The following TRHDE variants were observed in gnomAD, a reference collection of about 807,000 sequenced individuals.
TRHDE encodes thyrotropin releasing hormone degrading enzyme, also known as thyrotropin-releasing hormone-degrading ectoenzyme.
TRHDE carries 72 observed loss-of-function variants against 125.7 expected under a neutral mutation model. That is an observed-to-expected ratio of 0.57 (90% CI 0.47 to 0.70). The LOEUF is 0.70. Ranked by LOEUF, TRHDE falls within the 30% of genes least tolerant of loss-of-function variation. The pLI is 0.00. For synonymous variants in TRHDE, 509 were observed against 509.1 expected (o/e 1.00, Z 0.00); for missense variants, 1,110 against 1,327.1 (o/e 0.84, Z 2.54).
intron 2 of TRHDE, among the ~76,000 whole-genome samples, chr12:72,121,200 G>A (rs921011244): frequency 1.3e-5 from 2 of 152,050 alleles, no homozygotes; most frequent in Non-Finnish European, 2.9e-5. Context: ...TCTCGTTAAT[G>A]TCCTTTTCTT....
chr12:72,272,932 C>A lies in TRHDE; in HGVS notation c.289C>A (p.Leu97Ile), dbSNP rs144277781. Residue 97 changes from leucine (L) to isoleucine (I), a missense_variant, in exon 1 of 19, where the codon CTC (leucine) becomes ATC (isoleucine). Physicochemically the swap from Leu to Ile is conservative, Grantham distance 5. Transcript: ENST00000261180. The surrounding 1 kb of genome is among the most constrained non-coding windows in gnomAD (Gnocchi z 6.7). ...LAFAVSLVAL[L>I]AVTMLAVLLS... ...CTTCGCTGTGTCCCTCGTGGCATTG[C>A]TCGCGGTCACAATGCTCGCTGTGCT... The A allele has an allele frequency of 2.5e-6, 4 of 1,577,830 alleles. No homozygotes were observed. The highest frequency in any genetic ancestry group is 2.3e-5 in the East Asian group (1 of 43,816).
At chr12:72,265,069 C>T (rs574330465) in intron 2 of TRHDE, among the ~76,000 whole-genome samples, 1 of 151,168 alleles carries the variant, frequency 6.6e-6, no homozygotes, top group South Asian at 2.1e-4. Context: ...ATTGTAAACT[C>T]TGTTTCTCTT....
At chr12:72,635,013 A>T (rs1277915104) in intron 15 of TRHDE, among the ~76,000 whole-genome samples, 13 of 152,026 alleles carry the variant, frequency 8.6e-5, no homozygotes, top group Non-Finnish European at 1.5e-5. Flanking sequence ...TTGGGTATAT[A>T]CCCAGTAATG....
chr12:72,464,194 G>A (rs1876258658), intron 3 of TRHDE, among the ~76,000 whole-genome samples: 1 of 152,184 alleles, frequency 6.6e-6, no homozygotes, highest in South Asian at 2.1e-4. Flanking sequence ...AGCAGTCTGG[G>A]CATGTGGGTG....
At chr12:72,436,398 GT>G (rs1874747193) in intron 3 of TRHDE, among the ~76,000 whole-genome samples, 1 of 151,614 alleles carries the variant, frequency 6.6e-6, no homozygotes, top group East Asian at 1.9e-4. Context: ...TGTCCTGTTG[GT>G]TTTTAGACTG....
chr12:72,657,983 C>A (rs1874773358), intron 18 of TRHDE, among the ~76,000 whole-genome samples: 1 of 152,146 alleles, frequency 6.6e-6, no homozygotes, highest in South Asian at 2.1e-4. Context: ...TCCCTAGAAG[C>A]ATCAACCCTG....
At chr12:72,454,584 T>C (rs1301413928) in intron 3 of TRHDE, among the ~76,000 whole-genome samples, 1 of 152,158 alleles carries the variant, frequency 6.6e-6, no homozygotes, top group Non-Finnish European at 1.5e-5. Context: ...TAAATATAAA[T>C]AAACATTGTA....
At chr12:72,294,292 G>A (rs956052293) in intron 2 of TRHDE, among the ~76,000 whole-genome samples, 2 of 152,216 alleles carry the variant, frequency 1.3e-5, no homozygotes, top group African/African-American at 4.8e-5. Flanking sequence ...ATGTAGGGGA[G>A]TGGAGGGTGA....
chr12:72,332,181 C>T (rs960822499), intron 2 of TRHDE, among the ~76,000 whole-genome samples: 1 of 152,022 alleles, frequency 6.6e-6, no homozygotes, highest in African/African-American at 2.4e-5. Flanking sequence ...CTCTGTCATC[C>T]AGGCTGGAGT....
At chr12:72,365,201 A>G (rs1871291541) in intron 2 of TRHDE, among the ~76,000 whole-genome samples, 2 of 152,162 alleles carry the variant, frequency 1.3e-5, no homozygotes, top group African/African-American at 4.8e-5. Flanking sequence ...TTAAGGAAAC[A>G]TGATACATAT....
chr12:72,198,739 A>C (rs1877493859), intron 2 of TRHDE, among the ~76,000 whole-genome samples: 2 of 152,198 alleles, frequency 1.3e-5, no homozygotes, highest in African/African-American at 4.8e-5. Context: ...GATATTTTCC[A>C]AATACTTTCT....
intron 6 of TRHDE, among the ~76,000 whole-genome samples, chr12:72,524,773 C>A (rs1227916353): frequency 3.3e-5 from 5 of 152,086 alleles, no homozygotes; most frequent in Non-Finnish European, 7.4e-5. Flanking sequence ...CGTGTCAGAA[C>A]ACATGAGATG....
chr12:72,543,798 A>ATTATTATTT (rs1428414523), intron 7 of TRHDE, among the ~76,000 whole-genome samples: 2 of 5,452 alleles, frequency 3.7e-4, no homozygotes, highest in Admixed American at 3.7e-3. Flanking sequence ...TTTGGAAAGG[A>ATTATTATTT]TTATTATTAT....
Position 72,568,580 on chromosome 12 carries a change from G to T in TRHDE, c.2055G>T (p.Gln685His). The T allele has an allele frequency of 6.2e-7, 1 of 1,609,620 alleles. No homozygotes were observed. Among genetic ancestry groups the T allele is most frequent in the Non-Finnish European group, 8.5e-7 (1 of 1,177,282 alleles). The change falls in exon 10 of 19, where the codon CAG becomes CAT. Residue 685 changes from glutamine to histidine, a missense_variant. Physicochemically the swap from Gln to His is conservative, Grantham distance 24 (BLOSUM62 0). This residue lies in a region of TRHDE where 527 missense variants were observed against 651.8 expected (regional missense o/e 0.81). Transcript: ENST00000261180. ...LKLQNNSYLWQIPLTIVVGNR... is the reference protein window; with the variant it reads ...LKLQNNSYLWHIPLTIVVGNR... The stretch of plus-strand genomic sequence containing the variant: ...TTTTATTTTGCAGTTACCTGTGGCA[G>T]ATTCCATTAACTATTGTGGTAGGAA...
intron 7 of TRHDE, among the ~76,000 whole-genome samples, chr12:72,561,258 A>G (rs547833705): frequency 3.9e-4 from 53 of 134,726 alleles, no homozygotes; most frequent in Non-Finnish European, 6.9e-4. Flanking sequence ...AGCCAACTCC[A>G]TAAAAGTACT....
At chr12:72,608,748 T>C (rs1872539267) in intron 12 of TRHDE, among the ~76,000 whole-genome samples, 1 of 152,188 alleles carries the variant, frequency 6.6e-6, no homozygotes, top group South Asian at 2.1e-4. Context: ...TGGATTACTC[T>C]CACTTCATAT....
intron 12 of TRHDE, among the ~76,000 whole-genome samples, chr12:72,577,943 A>C (rs1277430013): frequency 6.6e-6 from 1 of 152,194 alleles, no homozygotes; most frequent in Admixed American, 6.5e-5. Flanking sequence ...TATTACAGTA[A>C]GAGTAAATAA....
upstream of TRHDE, chr12:72,272,182 C>G (rs757922856): frequency 4.6e-5 from 21 of 453,790 alleles, no homozygotes; most frequent in Middle Eastern, 4.4e-3. This position sits in a 1 kb window ranked among gnomAD's most constrained non-coding sequence, Gnocchi z 6.7. Context: ...GGGGAGAAAG[C>G]GAAAGCCCTA....
At chr12:72,214,650 A>G (rs1199710081) in intron 2 of TRHDE, among the ~76,000 whole-genome samples, 1 of 152,208 alleles carries the variant, frequency 6.6e-6, no homozygotes, top group East Asian at 1.9e-4. Context: ...CAACAATATT[A>G]AACAATAAAA....
Sources: gnomAD v4.1 joint callset for allele counts (sites outside exome capture counted in the v4.1 genomes callset) on GRCh38, gnomAD v4.1.1 for gene constraint, gnomAD v4.1.1 regional missense constraint, Gnocchi (gnomAD v3.1) non-coding constraint, MANE v1.5 for transcripts, NCBI Gene and HGNC (gene_info 2026-07-23, HGNC 2026-07-21) for gene names.